Variants in PLEKHA2 observed in about 807,000 individuals in gnomAD.
PLEKHA2 encodes pleckstrin homology domain-containing family A member 2.
A neutral mutation model predicts 53.2 loss-of-function variants in PLEKHA2; 28 were observed. The observed-to-expected ratio is 0.53, with a 90% CI of 0.39 to 0.72. The LOEUF is 0.72. PLEKHA2 is among the 30% of genes least tolerant of loss of function. The pLI is 0.00. For synonymous variants in PLEKHA2, 193 were observed against 196.4 expected (o/e 0.98, Z 0.14); for missense variants, 426 against 537.9 (o/e 0.79, Z 2.06).
At chr8:38,926,738 T>G (rs1834295711) in intron 2 of PLEKHA2, among the ~76,000 whole-genome samples, 1 of 152,260 alleles carries the variant, frequency 6.6e-6, no homozygotes. Context: ...AAGACCAGCC[T>G]GGCCAACATG....
intron 11 of PLEKHA2, chr8:38,968,897 T>TA: frequency 3.1e-5 from 13 of 418,352 alleles, no homozygotes; most frequent in African/African-American, 4.2e-5. Flanking sequence ...AAATGGAATT[T>TA]CTTTTTTTTT....
chr8:38,918,389 CCCCCATACACATACCACAGACA>C (rs1834101989), intron 2 of PLEKHA2, among the ~76,000 whole-genome samples: 2 of 147,418 alleles, frequency 1.4e-5, no homozygotes, highest in East Asian at 2.0e-4. Context: ...ACACACATAC[CCCCCATACACATACCACAGACA>C]CATACACACA....
rs969184973 is a variant in PLEKHA2 at position 38,922,954 on chromosome 8, G to A, written c.141+4884G>A. Among the ~76,000 whole-genome samples, 1 of 152,156 alleles carries A rather than the reference G, an allele frequency of 6.6e-6. No homozygotes were observed. The highest frequency in any genetic ancestry group is 1.5e-5 in the Non-Finnish European group (1 of 68,030). Reference sequence around the variant, plus strand: ...CCTCCCTCCTCCCACTGACCTCTGTGCTCAGCCCGTGCAAGGTCTTGTAGA... The same window carrying A: ...CCTCCCTCCTCCCACTGACCTCTGTACTCAGCCCGTGCAAGGTCTTGTAGA... On this transcript the variant is annotated intron_variant, in intron 2 of 11. Transcript: ENST00000617275. The surrounding 1 kb of genome is among the most constrained non-coding windows in gnomAD (Gnocchi z 4.0).
intron 2 of PLEKHA2, among the ~76,000 whole-genome samples, chr8:38,928,236 C>CTTTTTTTTTTTTTTTTTTTTTT (rs11414317): frequency 9.1e-6 from 1 of 110,130 alleles, no homozygotes. Context: ...CTGACCTGGT[C>CTTTTTTTTTTTTTTTTTTTTTT]TTTTTTTTTT....
chr8:38,925,667 C>A (rs1229421645), intron 2 of PLEKHA2, among the ~76,000 whole-genome samples: 2 of 152,164 alleles, frequency 1.3e-5, no homozygotes, highest in Non-Finnish European at 2.9e-5. Flanking sequence ...GAAAGCAGTT[C>A]TTTCCATTGA....
At chr8:38,933,177 G>A (rs1037261750) in intron 2 of PLEKHA2, among the ~76,000 whole-genome samples, 3 of 152,174 alleles carry the variant, frequency 2.0e-5, no homozygotes, top group Non-Finnish European at 4.4e-5. Context: ...GGGGTGAGGA[G>A]AGTGTGTTGT....
intron 3 of PLEKHA2, 107 bp downstream of exon 3, chr8:38,936,157 A>G (rs1834491273): frequency 6.4e-6 from 8 of 1,243,562 alleles, no homozygotes; most frequent in African/African-American, 5.9e-5. Flanking sequence ...GGGACGTTGC[A>G]TGGTGTTGAA....
intron 1 of PLEKHA2, among the ~76,000 whole-genome samples, chr8:38,915,225 T>G (rs571268991): frequency 3.9e-5 from 6 of 152,328 alleles, no homozygotes; most frequent in African/African-American, 1.4e-4. Context: ...GGATTACAGT[T>G]GTGAGCCACT....
At position 38,940,264 on chromosome 8, in the gene PLEKHA2, T is replaced by C. The variant is rs562057374; in HGVS notation, c.199-3525T>C. Among the ~76,000 whole-genome samples, 3 of 152,072 alleles carry C rather than the reference T, an allele frequency of 2.0e-5. No homozygotes were observed. In the East Asian group the frequency reaches 5.8e-4, roughly 29 times the overall value. ...AATATAAAACATTAGCCAGGTGTGG[T>C]GGTGCGTGCCTGTAATTCCAGCAAC... On this transcript the variant is annotated intron_variant, in intron 3 of 11. Transcript: ENST00000617275.
chr8:38,966,730 G>A (rs1186571939), intron 10 of PLEKHA2, among the ~76,000 whole-genome samples: 1 of 152,110 alleles, frequency 6.6e-6, no homozygotes, highest in Non-Finnish European at 1.5e-5. Context: ...GAAGCTTGGT[G>A]CTGCGAGTCC....
chr8:38,945,226 G>T (rs544917742), intron 4 of PLEKHA2, among the ~76,000 whole-genome samples: 63 of 152,220 alleles, frequency 4.1e-4, no homozygotes, highest in Non-Finnish European at 8.5e-4. Context: ...ATCTGGGGTG[G>T]TTCTGAATGT....
chr8:38,904,244 T>C (rs551881937), intron 1 of PLEKHA2, among the ~76,000 whole-genome samples: 1 of 152,346 alleles, frequency 6.6e-6, no homozygotes, highest in South Asian at 2.1e-4. Flanking sequence ...TGATTTGTTA[T>C]GCATTAAAGC....
chr8:38,942,870 C>T (rs1834636929), intron 3 of PLEKHA2, among the ~76,000 whole-genome samples: 1 of 152,154 alleles, frequency 6.6e-6, no homozygotes, highest in African/African-American at 2.4e-5. Context: ...TGTTTCTTGC[C>T]CTTCCCTGAG....
intron 9 of PLEKHA2, among the ~76,000 whole-genome samples, chr8:38,954,192 CACAA>C (rs1347304801): frequency 6.6e-6 from 1 of 152,198 alleles, no homozygotes; most frequent in Non-Finnish European, 1.5e-5. Flanking sequence ...CCCATGAAGG[CACAA>C]ACAGTCTTGC....
At chr8:38,914,340 T>C (rs948803186) in intron 1 of PLEKHA2, among the ~76,000 whole-genome samples, 5 of 152,234 alleles carry the variant, frequency 3.3e-5, no homozygotes, top group African/African-American at 1.2e-4. Flanking sequence ...CTTGTGGGGA[T>C]GGGAGAGAAC....
rs764860738 is a variant in PLEKHA2, at chr8:38,952,253, C to T, written c.574C>T (p.Arg192Cys). The change falls in exon 7 of 12, where the codon CGT becomes TGT. Residue 192 changes from arginine (R) to cysteine (C), a missense_variant. Physicochemically the swap from Arg to Cys is radical, Grantham distance 180. Coordinates refer to ENST00000617275, the MANE Select transcript of PLEKHA2 (RefSeq NM_021623.2). Reference sequence around the variant, plus strand: ...GAGTTACATCCCCACGTCAGGCTGCCGTGCTTCCACTGGGCCTCCCCTCAT... The same window carrying T: ...GAGTTACATCCCCACGTCAGGCTGCTGTGCTTCCACTGGGCCTCCCCTCAT... Reference protein sequence around the residue: ...SQSYIPTSGCRASTGPPLIKS... With the variant: ...SQSYIPTSGCCASTGPPLIKS... The T allele has an allele frequency of 1.1e-5, 18 of 1,612,496 alleles. No homozygotes were observed. Among genetic ancestry groups the T allele is most frequent in the South Asian group, 6.6e-5 (6 of 90,566 alleles).
chr8:38,944,560 G>A (rs1292128396), intron 4 of PLEKHA2, among the ~76,000 whole-genome samples: 1 of 152,150 alleles, frequency 6.6e-6, no homozygotes, highest in Non-Finnish European at 1.5e-5. Flanking sequence ...GGGGCCAGAG[G>A]AGAAGCAAGA....
intron 1 of PLEKHA2, among the ~76,000 whole-genome samples, chr8:38,905,830 G>T (rs937565876): frequency 6.6e-6 from 1 of 151,914 alleles, no homozygotes; most frequent in African/African-American, 2.4e-5. Flanking sequence ...GTCTACAGGC[G>T]CATGCCACCA....
intron 2 of PLEKHA2, among the ~76,000 whole-genome samples, chr8:38,934,285 C>T (rs73674647): frequency 0.045 from 6,811 of 152,152 alleles, 524 homozygotes; most frequent in African/African-American, 0.16. Flanking sequence ...AGCCACCACG[C>T]CTGGTCCACC....
Sources: gnomAD v4.1 joint callset for allele counts (sites outside exome capture counted in the v4.1 genomes callset) on GRCh38, gnomAD v4.1.1 for gene constraint, Gnocchi (gnomAD v3.1) non-coding constraint, MANE v1.5 for transcripts, NCBI Gene and HGNC (gene_info 2026-07-23, HGNC 2026-07-21) for gene names.